Variants in RP2 observed in about 807,000 individuals in gnomAD.
RP2 encodes the protein RP2 activator of ARL3 GTPase.
RP2 carries 3 observed loss-of-function variants against 20.3 expected under a neutral mutation model. The observed-to-expected ratio is 0.15, with a 90% CI of 0.07 to 0.38. The LOEUF (loss-of-function observed/expected upper bound fraction) is 0.38. Ranked by LOEUF, RP2 falls within the 10% of genes least tolerant of loss-of-function variation. The pLI is 1.00. For missense variants in RP2, 233 were observed against 268.5 expected, an observed-to-expected ratio of 0.87 and a Z score of 0.92; for synonymous variants, 75 against 94.8, an observed-to-expected ratio of 0.79 and a Z score of 1.22.
intron 3 of RP2, among the ~76,000 whole-genome samples, chrX:46,874,071 G>A (rs1925334282): frequency 9.0e-6 from 1 of 111,577 alleles, no homozygotes; most frequent in African/African-American, 3.3e-5. Context: ...TCTATGTCAA[G>A]CATATAAGAC....
chrX:46,846,889 C>T, intron 1 of RP2, among the ~76,000 whole-genome samples: 1 of 111,279 alleles, frequency 9.0e-6, no homozygotes, highest in South Asian at 3.8e-4. Context: ...CCACCACACT[C>T]GGCTAATATT....
chrX:46,843,005 CT>C (rs60442392), intron 1 of RP2, among the ~76,000 whole-genome samples: 1,786 of 90,979 alleles, frequency 0.02, 39 homozygotes, highest in African/African-American at 0.066. Flanking sequence ...CTATGTTTAA[CT>C]TTTTTTTTTT....
intron 2 of RP2, among the ~76,000 whole-genome samples, chrX:46,855,766 C>T (rs1208422835): frequency 1.9e-5 from 2 of 107,640 alleles, no homozygotes; most frequent in African/African-American, 6.9e-5. Context: ...CACGCTCGGC[C>T]GGAAAACTCA....
In RP2 at chrX:46,847,776, G is replaced by GTGTATA. The variant is rs1556316807; in HGVS notation, c.103-5699_103-5698insGTATAT. ...TGTGTATATACACACATGTGTGTGT[G>GTGTATA]TACATACACACATGTGTGTGTGTAT... On this transcript the variant is annotated intron_variant, in intron 1 of 4. Transcript: ENST00000218340. 6.7e-3 allele frequency among the ~76,000 whole-genome samples: 499 copies of GTGTATA among 74,589 alleles called. 4 individuals are homozygous for GTGTATA. The highest frequency in any genetic ancestry group is 0.033 in the African/African-American group (459 of 13,993). The allele number at this position is 74,589 out of a possible 115,157, so 64.8% of individuals were successfully genotyped here.
intron 1 of RP2, among the ~76,000 whole-genome samples, chrX:46,840,716 G>A (rs1924604765): frequency 8.9e-6 from 1 of 111,824 alleles, no homozygotes. Flanking sequence ...AAACATTTAA[G>A]TACATATGAG....
In RP2 at chrX:46,853,522, T is replaced by C. The variant is rs1556318536; in HGVS notation, c.149T>C (p.Val50Ala). The C allele has an allele frequency of 1.7e-6, 2 of 1,210,854 alleles. No individual in the cohort carries two copies. Among genetic ancestry groups the C allele is most frequent in the East Asian group, 5.9e-5 (2 of 33,827 alleles). ...TTCAGTGGACTGAAGGATGAAACAG[T>C]AGGTCGCTTACCTGGGACGGTAGCA... is the stretch of plus-strand genomic sequence containing the variant. ...YMFSGLKDET[V>A]GRLPGTVAGQ... is the part of the protein sequence containing the mutation. Residue 50 changes from valine (V) to alanine (A), a missense_variant, in exon 2 of 5, where the codon GTA (valine) becomes GCA (alanine). By Grantham distance (64) the Val-to-Ala change is moderately conservative. Transcript: ENST00000218340.
chrX:46,877,742 G>C, intron 4 of RP2, 152 bp downstream of exon 4: 1 of 253,283 alleles, frequency 3.9e-6, no homozygotes, highest in Non-Finnish European at 7.2e-6. Context: ...GTTTAAAGCA[G>C]ATCATGATTT....
chrX:46,867,788 C>G (rs569569496), intron 3 of RP2, among the ~76,000 whole-genome samples: 4 of 111,457 alleles, frequency 3.6e-5, no homozygotes, highest in South Asian at 3.7e-4. Flanking sequence ...TTTCACTTAA[C>G]TAGTGGTCCC....
At chrX:46,837,906 C>G (rs1181663599) in intron 1 of RP2, among the ~76,000 whole-genome samples, 2 of 111,846 alleles carry the variant, frequency 1.8e-5, no homozygotes, top group Non-Finnish European at 3.8e-5. Flanking sequence ...AATGAAAACG[C>G]CCTTATTTTT....
intron 1 of RP2, among the ~76,000 whole-genome samples, chrX:46,846,757 T>G (rs1556316229): frequency 1.8e-5 from 2 of 111,479 alleles, no homozygotes; most frequent in African/African-American, 6.5e-5. Context: ...CAGGGTCTGC[T>G]CAGTCTCCCA....
intron 1 of RP2, among the ~76,000 whole-genome samples, chrX:46,847,789 T>TGTGTGTGTGTACATACACAC (rs1924773288): frequency 4.8e-5 from 4 of 83,475 alleles, no homozygotes; most frequent in African/African-American, 1.9e-4. Context: ...CATACACACA[T>TGTGTGTGTGTACATACACAC]GTGTGTGTGT....
chrX:46,848,088 C>T (rs1447740382), intron 1 of RP2, among the ~76,000 whole-genome samples: 2 of 107,018 alleles, frequency 1.9e-5, no homozygotes, highest in South Asian at 4.0e-4. Flanking sequence ...GATTATAGAG[C>T]ACTTAGTATG....
chrX:46,875,086 G>A (rs1925351962), intron 3 of RP2, among the ~76,000 whole-genome samples: 1 of 109,723 alleles, frequency 9.1e-6, no homozygotes, highest in African/African-American at 3.3e-5. Flanking sequence ...GTTTCCTGTT[G>A]CATTAATTGA....
chrX:46,869,854 C>T (rs1353056000), intron 3 of RP2, among the ~76,000 whole-genome samples: 3 of 110,820 alleles, frequency 2.7e-5, no homozygotes, highest in Non-Finnish European at 5.7e-5. Context: ...GGTGATCCGC[C>T]TGCCTCGGCC....
rs940724694 is a variant in RP2 at position 46,837,074 on chromosome X, G to A, written c.-27G>A. The A allele has an allele frequency of 6.5e-5, 75 of 1,157,855 alleles. No homozygotes were observed. The highest frequency in any genetic ancestry group is 8.1e-5 in the Non-Finnish European group (70 of 864,788). ...TAGGAAGTGCCTGAGCTAGTGAGCT[G>A]GCCAACGAGCTCCGCGGGCTGGGAC... On this transcript the variant is annotated 5_prime_UTR_variant, in exon 1 of 5. Coordinates refer to ENST00000218340, the MANE Select transcript of RP2 (RefSeq NM_006915.3).
At chrX:46,841,860 G>T (rs181968320) in intron 1 of RP2, among the ~76,000 whole-genome samples, 131 of 112,179 alleles carry the variant, frequency 1.2e-3, no homozygotes, top group African/African-American at 3.8e-3. Flanking sequence ...GCTTTTTAGA[G>T]ATATAATTCA....
chrX:46,852,718 G>C (rs1924883754), intron 1 of RP2, among the ~76,000 whole-genome samples: 1 of 110,654 alleles, frequency 9.0e-6, no homozygotes, highest in Non-Finnish European at 1.9e-5. Flanking sequence ...GAGTAGCTGG[G>C]ATTACAGACA....
chrX:46,839,387 A>G (rs1924572203), intron 1 of RP2, among the ~76,000 whole-genome samples: 1 of 110,465 alleles, frequency 9.1e-6, no homozygotes, highest in East Asian at 2.9e-4. Flanking sequence ...CCTCATTCCT[A>G]CTAAAAATAC....
At position 46,862,521 on chromosome X, in the gene RP2, G is replaced by A. The variant is rs986867247; in HGVS notation, c.883+2419G>A. 6.3e-5 allele frequency among the ~76,000 whole-genome samples: 7 copies of A among 110,257 alleles called. No individual in the cohort carries two copies. In the East Asian group the frequency reaches 1.7e-3, roughly 27 times the overall value. ...TAAAAATACAAAAAATTAGCCGGGC[G>A]TGGTGGCGGGCGCCTGTAGTCCCAG... is the stretch of plus-strand genomic sequence containing the variant. On this transcript the variant is annotated intron_variant, in intron 3 of 4. Coordinates refer to ENST00000218340, the MANE Select transcript of RP2 (RefSeq NM_006915.3).
Sources: allele counts gnomAD v4.1 joint callset (sites outside exome capture counted in the v4.1 genomes callset), GRCh38; gene constraint gnomAD v4.1.1; transcripts MANE v1.5; gene names NCBI Gene and HGNC (gene_info 2026-07-23, HGNC 2026-07-21).